The following TTC28 variants were observed in gnomAD, a reference collection of about 807,000 sequenced individuals.
The protein encoded by TTC28 is tetratricopeptide repeat domain 28.
A neutral mutation model predicts 198.0 loss-of-function variants in TTC28; 61 were observed. That is an observed-to-expected ratio of 0.31 (90% confidence interval 0.25 to 0.38). The LOEUF (loss-of-function observed/expected upper bound fraction) is 0.38, where lower values mean the gene tolerates loss of function less well. Ranked by LOEUF, TTC28 falls within the 10% of genes least tolerant of loss-of-function variation. The pLI is 1.00. For synonymous variants in TTC28, 1,171 were observed against 1,297.8 expected, an observed-to-expected ratio of 0.90 and a Z score of 2.10; for missense variants, 2,678 against 3,164.0, an observed-to-expected ratio of 0.85 and a Z score of 3.69.
chr22:28,058,359 T>C (rs35523745), intron 12 of TTC28, among the ~76,000 whole-genome samples: 3,759 of 152,212 alleles, frequency 0.025, 76 homozygotes, highest in Non-Finnish European at 0.039. Flanking sequence ...ATGACTGATA[T>C]AGTGTTGAGC....
Position 28,096,254 on chromosome 22 carries a change from T to C in TTC28, c.3702A>G (p.Gly1234=). ...CAGCCAGGGAATAGTAAAGCACTAG[T>C]CCCCTCTGGCCATTTACCATCTCTA... is the stretch of plus-strand genomic sequence containing the variant. ...QILEMVNGQR[G]LVLYYSLAAG... The change falls in exon 11 of 23, where the codon GGA becomes GGG. Residue 1234 remains glycine (G), a synonymous_variant. Coordinates refer to ENST00000397906, the MANE Select transcript of TTC28 (RefSeq NM_001145418.2). The C allele has an allele frequency of 1.9e-6, 3 of 1,551,596 alleles. No homozygotes were observed. Among genetic ancestry groups the C allele is most frequent in the Non-Finnish European group, 1.7e-6 (2 of 1,146,948 alleles).
intron 6 of TTC28, among the ~76,000 whole-genome samples, chr22:28,123,487 C>G (rs1301041986): frequency 6.6e-6 from 1 of 151,972 alleles, no homozygotes; most frequent in Non-Finnish European, 1.5e-5. Context: ...AAATCCCTGA[C>G]CTCAGGTGAT....
chr22:28,438,407 G>C (rs993722268), intron 2 of TTC28, among the ~76,000 whole-genome samples: 5 of 152,148 alleles, frequency 3.3e-5, no homozygotes, highest in Non-Finnish European at 7.4e-5. Flanking sequence ...GCTTTTAAAT[G>C]GAACTCCATC....
intron 6 of TTC28, among the ~76,000 whole-genome samples, chr22:28,112,037 C>T (rs2345714): frequency 0.062 from 9,467 of 152,202 alleles, 464 homozygotes; most frequent in African/African-American, 0.13. Flanking sequence ...CTGGCTCCCA[C>T]CTCATTCAGC....
At chr22:28,036,594 T>C (rs956741084) in intron 12 of TTC28, among the ~76,000 whole-genome samples, 5 of 151,940 alleles carry the variant, frequency 3.3e-5, no homozygotes, top group African/African-American at 1.2e-4. Flanking sequence ...CACCCTAACA[T>C]CACAATTGAA....
intron 5 of TTC28, among the ~76,000 whole-genome samples, chr22:28,206,122 A>T (rs1380242797): frequency 6.6e-6 from 1 of 152,124 alleles, no homozygotes; most frequent in Non-Finnish European, 1.5e-5. Flanking sequence ...TACTCCCATG[A>T]TTATTCTAAT....
intron 5 of TTC28, among the ~76,000 whole-genome samples, chr22:28,220,277 T>C (rs1222622019): frequency 6.6e-6 from 1 of 152,238 alleles, no homozygotes; most frequent in African/African-American, 2.4e-5. Context: ...TAGTTATCTA[T>C]TGCTGAGTAA....
chr22:28,643,709 T>C (rs918189056), intron 1 of TTC28, among the ~76,000 whole-genome samples: 2 of 152,230 alleles, frequency 1.3e-5, no homozygotes, highest in Non-Finnish European at 2.9e-5. Context: ...AAAACAGATT[T>C]TGTTACTGTA....
At chr22:28,579,665 C>A (rs2050206363) in intron 2 of TTC28, among the ~76,000 whole-genome samples, 1 of 151,208 alleles carries the variant, frequency 6.6e-6, no homozygotes, top group Non-Finnish European at 1.5e-5. Context: ...CACATATATA[C>A]ACACCCAAAA....
At chr22:28,062,372 T>C (rs1940578011) in intron 12 of TTC28, among the ~76,000 whole-genome samples, 2 of 151,848 alleles carry the variant, frequency 1.3e-5, no homozygotes, top group South Asian at 4.1e-4. Context: ...TCTACTATCT[T>C]ATTATTTTCT....
intron 2 of TTC28, among the ~76,000 whole-genome samples, chr22:28,412,081 CCT>C (rs549770720): frequency 8.7e-4 from 132 of 152,308 alleles, no homozygotes; most frequent in East Asian, 3.1e-3. Flanking sequence ...AGGCTTATCC[CCT>C]GTTTTAGTTG....
chr22:28,126,293 G>C (rs1203369536), intron 6 of TTC28, among the ~76,000 whole-genome samples: 1 of 152,118 alleles, frequency 6.6e-6, no homozygotes, highest in African/African-American at 2.4e-5. Context: ...CATCACAAAC[G>C]TAACTATGGC....
intron 12 of TTC28, among the ~76,000 whole-genome samples, chr22:28,080,234 C>G (rs1186101701): frequency 2.0e-5 from 3 of 152,146 alleles, no homozygotes; most frequent in Non-Finnish European, 4.4e-5. Flanking sequence ...GCATTGTACA[C>G]TAATTCTATT....
intron 2 of TTC28, among the ~76,000 whole-genome samples, chr22:28,545,949 A>G (rs1198000586): frequency 6.6e-6 from 1 of 152,340 alleles, no homozygotes; most frequent in South Asian, 2.1e-4. Flanking sequence ...AAATTCCAAC[A>G]AGATTTTTTG....
chr22:27,995,540 T>G (rs1197764594), intron 17 of TTC28, among the ~76,000 whole-genome samples: 1 of 152,196 alleles, frequency 6.6e-6, no homozygotes, highest in Non-Finnish European at 1.5e-5. Flanking sequence ...TGCTCTCACC[T>G]GGGCTCCACA....
chr22:28,336,700 T>G (rs1323002528), intron 2 of TTC28, among the ~76,000 whole-genome samples: 5 of 152,226 alleles, frequency 3.3e-5, no homozygotes, highest in African/African-American at 1.2e-4. Context: ...CTTTATCATT[T>G]TTTATTGCAT....
intron 12 of TTC28, among the ~76,000 whole-genome samples, chr22:28,037,649 T>C (rs551938687): frequency 6.6e-6 from 1 of 152,114 alleles, no homozygotes; most frequent in Admixed American, 6.5e-5. Flanking sequence ...TTCAACATAG[T>C]GTTGGAAGTT....
At chr22:28,614,852 C>T (rs189630371) in intron 2 of TTC28, among the ~76,000 whole-genome samples, 2 of 152,252 alleles carry the variant, frequency 1.3e-5, no homozygotes, top group South Asian at 2.1e-4. Context: ...TAGAAGAAAA[C>T]CTAGGCAACA....
intron 13 of TTC28, among the ~76,000 whole-genome samples, chr22:28,023,252 G>A (rs966938217): frequency 1.3e-5 from 2 of 152,220 alleles, no homozygotes; most frequent in Middle Eastern, 3.2e-3. Context: ...GGTGGTGCCC[G>A]GCCTCTGCCC....
Sources: allele counts gnomAD v4.1 joint callset (sites outside exome capture counted in the v4.1 genomes callset), GRCh38; gene constraint gnomAD v4.1.1; transcripts MANE v1.5; gene names NCBI Gene and HGNC (gene_info 2026-07-23, HGNC 2026-07-21).